Variants in RPH3A observed in about 807,000 individuals in gnomAD.
The protein encoded by RPH3A is rabphilin-3A.
In RPH3A, 48 loss-of-function variants were observed where a neutral mutation model predicts 102.2. That is an observed-to-expected ratio of 0.47 (90% confidence interval 0.37 to 0.60). The LOEUF (loss-of-function observed/expected upper bound fraction) is 0.60, where lower values mean the gene tolerates loss of function less well. RPH3A is among the 20% of genes least tolerant of loss of function. The pLI is 0.00. For missense variants in RPH3A, 781 were observed against 910.1 expected (o/e 0.86, Z 1.83); for synonymous variants, 310 against 324.3 (o/e 0.96, Z 0.47).
intron 1 of RPH3A, among the ~76,000 whole-genome samples, chr12:112,593,586 T>G (rs1191659046): frequency 6.6e-6 from 1 of 152,132 alleles, no homozygotes; most frequent in Non-Finnish European, 1.5e-5. Flanking sequence ...ACAATTATGG[T>G]TTGTGTTATT....
intron 1 of RPH3A, among the ~76,000 whole-genome samples, chr12:112,770,865 G>A (rs1229965993): frequency 6.6e-6 from 1 of 152,180 alleles, no homozygotes; most frequent in Non-Finnish European, 1.5e-5. Flanking sequence ...AGGGGTCAGA[G>A]TTAGAAGTAC....
intron 1 of RPH3A, among the ~76,000 whole-genome samples, chr12:112,723,735 C>T (rs775047596): frequency 5.3e-5 from 8 of 152,146 alleles, no homozygotes; most frequent in Admixed American, 1.3e-4. Context: ...TGTCACATGG[C>T]GTTTTAGGTG....
intron 6 of RPH3A, among the ~76,000 whole-genome samples, chr12:112,865,913 G>A (rs756020826): frequency 6.6e-6 from 1 of 152,206 alleles, no homozygotes; most frequent in Non-Finnish European, 1.5e-5. Context: ...TTGTGTGTAT[G>A]TGGAATGCTT....
chr12:112,695,720 G>A (rs1016580226), intron 1 of RPH3A, among the ~76,000 whole-genome samples: 20 of 152,380 alleles, frequency 1.3e-4, no homozygotes, highest in African/African-American at 4.6e-4. Context: ...CCACATTCAT[G>A]GAAGATTTGC....
intron 17 of RPH3A, among the ~76,000 whole-genome samples, chr12:112,888,312 G>T (rs2043038061): frequency 6.6e-6 from 1 of 152,228 alleles, no homozygotes; most frequent in Non-Finnish European, 1.5e-5. Flanking sequence ...CCTGCCTCTT[G>T]GGAGGGTTGT....
At chr12:112,773,388 C>T (rs2040941627) in intron 1 of RPH3A, among the ~76,000 whole-genome samples, 1 of 152,026 alleles carries the variant, frequency 6.6e-6, no homozygotes, top group African/African-American at 2.4e-5. Context: ...ATTACAGGGC[C>T]TGACCCCAGC....
chr12:112,881,372 G>T (rs994342158), intron 14 of RPH3A, among the ~76,000 whole-genome samples: 1 of 152,148 alleles, frequency 6.6e-6, no homozygotes, highest in Admixed American at 6.5e-5. Flanking sequence ...TTATTCTTCT[G>T]GGACATGTCC....
chr12:112,845,760 G>T (rs372882111), intron 4 of RPH3A, among the ~76,000 whole-genome samples: 9 of 152,308 alleles, frequency 5.9e-5, no homozygotes, highest in East Asian at 1.9e-4. Flanking sequence ...GCCAGATAAG[G>T]TCCGTGCCAT....
rs190628150 is a variant in RPH3A at position 112,786,293 on chromosome 12, C to T, written c.-139-5850C>T. Among the ~76,000 whole-genome samples the T allele has an allele frequency of 2.6e-5, 4 of 152,346 alleles. 1 individual carries two copies. The highest frequency in any genetic ancestry group is 7.2e-5 in the African/African-American group (3 of 41,578). ...CTAAGGAGGTTAGTGGGCTTCCCCA[C>T]GACTGCCCTTTTCCTTGTGGGAAGG... is the stretch of plus-strand genomic sequence containing the variant. On this transcript the variant is annotated intron_variant, in intron 1 of 21. Coordinates refer to the RPH3A transcript ENST00000543106.
chr12:112,833,335 G>A (rs894982776), intron 3 of RPH3A, among the ~76,000 whole-genome samples: 2 of 152,214 alleles, frequency 1.3e-5, no homozygotes, highest in African/African-American at 2.4e-5. Context: ...TCTTTCCCCA[G>A]AGAGTCAGTT....
chr12:112,760,346 C>T (rs960270374), intron 1 of RPH3A, among the ~76,000 whole-genome samples: 25 of 151,990 alleles, frequency 1.6e-4, no homozygotes, highest in Non-Finnish European at 2.4e-4. Context: ...TAGGGAGGGA[C>T]GAATATAGTG....
chr12:112,577,572 C>T (rs1013302048), intron 1 of RPH3A, among the ~76,000 whole-genome samples: 3 of 152,150 alleles, frequency 2.0e-5, no homozygotes, highest in Non-Finnish European at 4.4e-5. Flanking sequence ...TGCCGACCTC[C>T]TATCTCATCC....
intron 2 of RPH3A, among the ~76,000 whole-genome samples, chr12:112,823,492 C>T (rs2041816950): frequency 6.6e-6 from 1 of 152,140 alleles, no homozygotes; most frequent in Non-Finnish European, 1.5e-5. Context: ...TCATCCTATA[C>T]CCGATAAGTA....
At chr12:112,894,037 T>C (rs2043141335) in intron 19 of RPH3A, 1 of 155,412 alleles carries the variant, frequency 6.4e-6, no homozygotes, top group Admixed American at 6.5e-5. Context: ...TGAAGGATTT[T>C]GAACTCTCCC....
At chr12:112,614,501 C>T (rs566763934) in intron 1 of RPH3A, among the ~76,000 whole-genome samples, 5 of 148,758 alleles carry the variant, frequency 3.4e-5, no homozygotes, top group East Asian at 4.0e-4. Context: ...CTGGACATCA[C>T]GGTGTAACCC....
At chr12:112,750,561 T>C (rs879508346) in intron 1 of RPH3A, among the ~76,000 whole-genome samples, 9 of 152,144 alleles carry the variant, frequency 5.9e-5, no homozygotes, top group African/African-American at 2.2e-4. Context: ...ATACTTCTCC[T>C]TGACATGAGT....
intron 1 of RPH3A, among the ~76,000 whole-genome samples, chr12:112,634,708 G>A (rs1182425847): frequency 6.6e-6 from 1 of 152,090 alleles, no homozygotes; most frequent in East Asian, 1.9e-4. Context: ...AACAATTTGG[G>A]GGCACAGCAT....
chr12:112,611,317 C>T (rs1281418916), intron 1 of RPH3A, among the ~76,000 whole-genome samples: 2 of 152,194 alleles, frequency 1.3e-5, no homozygotes, highest in African/African-American at 4.8e-5. Flanking sequence ...GTCATGTAAC[C>T]ACCACCACGA....
chr12:112,868,584 C>T lies in RPH3A; in HGVS notation c.599C>T (p.Ala200Val). Residue 200 changes from alanine (A) to valine (V), a missense_variant, in exon 8 of 22, where the codon GCT becomes GTT. Coordinates refer to ENST00000389385, the MANE Select transcript of RPH3A (RefSeq NM_001143854.2). ...CCTGAGCCCAAGCACCCTGCCCGGG[C>T]TCCAGCTCGAGGTAGGACAAAACAG... ...PAPEPKHPAR[A>V]PARGDSEDRR... The T allele has an allele frequency of 6.2e-7, 1 of 1,613,996 alleles. No homozygotes were observed. Among genetic ancestry groups the T allele is most frequent in the African/African-American group, 1.3e-5 (1 of 75,054 alleles).
Sources: allele counts gnomAD v4.1 joint callset (sites outside exome capture counted in the v4.1 genomes callset), GRCh38; gene constraint gnomAD v4.1.1; transcripts MANE v1.5; gene names NCBI Gene and HGNC (gene_info 2026-07-23, HGNC 2026-07-21).